MAST4: variants seen among roughly 807,000 people sequenced by gnomAD.
The protein encoded by MAST4 is microtubule-associated serine/threonine-protein kinase 4.
Under a neutral mutation model 162.7 loss-of-function variants are expected in MAST4, and 89 were observed. The ratio of observed to expected loss-of-function variants is 0.55; its 90% CI spans 0.46 to 0.65. The LOEUF (loss-of-function observed/expected upper bound fraction) is 0.65. Among genes scored for constraint, MAST4 ranks in the 30% least tolerant of loss-of-function variants. The pLI is 0.00. For synonymous variants in MAST4, 1,479 were observed against 1,361.1 expected, an observed-to-expected ratio of 1.09 and a Z score of -1.91; for missense variants, 3,153 against 3,374.0, an observed-to-expected ratio of 0.93 and a Z score of 1.62.
At chr5:66,874,210 C>T (rs16895764) in intron 3 of MAST4, among the ~76,000 whole-genome samples, 3,169 of 152,044 alleles carry the variant, frequency 0.021, 119 homozygotes, top group African/African-American at 0.073. Context: ...GTATGAGCTC[C>T]GTAATACAGC....
At chr5:66,882,667 T>C (rs937178674) in intron 3 of MAST4, among the ~76,000 whole-genome samples, 5 of 152,188 alleles carry the variant, frequency 3.3e-5, no homozygotes, top group African/African-American at 9.7e-5. Context: ...CTGTATCCTT[T>C]AGCATACTTT....
chr5:66,673,582 C>T lies in MAST4; in HGVS notation c.363+76564C>T, dbSNP rs146960988. ...TGCTCTGTCACCCAGTCTGGAGTGA[C>T]GTGGCGCGATCACAGCTCACTGCAA... On this transcript the variant is annotated intron_variant, in intron 1 of 28. Coordinates refer to ENST00000403625, the MANE Select transcript of MAST4 (RefSeq NM_001164664.2). 1.4e-4 allele frequency among the ~76,000 whole-genome samples: 20 copies of T among 142,456 alleles called. No homozygotes were observed. The South Asian group carries it at 2.1e-3, about 15-fold the overall frequency. The allele number at this position is 142,456 out of a possible 152,430, so 93.5% of individuals were successfully genotyped here. A position where few individuals can be genotyped will look rare whatever the true frequency, so the allele number is the denominator to read the frequency against.
chr5:67,029,263 G>A (rs937906767), intron 4 of MAST4, among the ~76,000 whole-genome samples: 1 of 152,176 alleles, frequency 6.6e-6, no homozygotes, highest in East Asian at 1.9e-4. Flanking sequence ...TAAGGTTTCT[G>A]GCCCTCTGCA....
At chr5:66,750,355 C>T (rs532934725) in intron 1 of MAST4, among the ~76,000 whole-genome samples, 13 of 152,264 alleles carry the variant, frequency 8.5e-5, no homozygotes, top group East Asian at 3.9e-4. Context: ...ACGCAGGAAA[C>T]GGTGATTTCT....
intron 1 of MAST4, among the ~76,000 whole-genome samples, chr5:66,698,549 C>T (rs1749560094): frequency 6.6e-6 from 1 of 152,090 alleles, no homozygotes; most frequent in Non-Finnish European, 1.5e-5. Flanking sequence ...TCCATCTGGA[C>T]ATTTGCTTTA....
intron 3 of MAST4, among the ~76,000 whole-genome samples, chr5:66,890,080 T>TA (rs1274621579): frequency 6.6e-6 from 1 of 152,218 alleles, no homozygotes; most frequent in African/African-American, 2.4e-5. Flanking sequence ...TGATCAAAAC[T>TA]AGTTTCTTTA....
At chr5:66,841,634 A>G (rs1006981479) in intron 3 of MAST4, among the ~76,000 whole-genome samples, 2 of 152,110 alleles carry the variant, frequency 1.3e-5, no homozygotes, top group Non-Finnish European at 2.9e-5. Context: ...TAATCCCATC[A>G]TGAGGGCCCC....
At chr5:66,659,915 C>T (rs533339009) in intron 1 of MAST4, among the ~76,000 whole-genome samples, 2 of 152,266 alleles carry the variant, frequency 1.3e-5, no homozygotes, top group South Asian at 2.1e-4. Context: ...AAGAGTGGCA[C>T]TTGAAAGTGC....
At chr5:67,050,430 C>G (rs1758029877) in intron 4 of MAST4, among the ~76,000 whole-genome samples, 1 of 152,196 alleles carries the variant, frequency 6.6e-6, no homozygotes, top group Admixed American at 6.5e-5. Context: ...GCCTGCTCAC[C>G]TCCTGCCCCT....
chr5:67,049,023 G>GTGTATATATATATATACGTA (rs1554087405), intron 4 of MAST4, among the ~76,000 whole-genome samples: 1 of 85,666 alleles, frequency 1.2e-5, no homozygotes, highest in African/African-American at 4.8e-5. Flanking sequence ...ATATATATAC[G>GTGTATATATATATATACGTA]TATATATATA....
intron 1 of MAST4, among the ~76,000 whole-genome samples, chr5:66,697,183 T>C (rs1270743009): frequency 6.6e-6 from 1 of 152,144 alleles, no homozygotes; most frequent in Non-Finnish European, 1.5e-5. Context: ...CAAGTGAAAA[T>C]TAGGGTTTTG....
intron 4 of MAST4, among the ~76,000 whole-genome samples, chr5:66,995,559 T>C (rs1024001875): frequency 6.6e-6 from 1 of 152,132 alleles, no homozygotes; most frequent in Non-Finnish European, 1.5e-5. Context: ...CCCGCCACCA[T>C]ACCCAGCTAA....
intron 3 of MAST4, among the ~76,000 whole-genome samples, chr5:66,866,801 A>AG (rs1760556894): frequency 1.3e-5 from 2 of 152,112 alleles, no homozygotes; most frequent in Admixed American, 1.3e-4. Context: ...TCCAGGCTGG[A>AG]GTGCGGTGCG....
chr5:66,827,025 G>A (rs17280749), intron 3 of MAST4, among the ~76,000 whole-genome samples: 38,285 of 152,126 alleles, frequency 0.25, 5,860 homozygotes, highest in Non-Finnish European at 0.35. Context: ...TAAAGTGCAG[G>A]TGAGCCTGTG....
chr5:66,916,386 A>T lies in MAST4; in HGVS notation c.674+16404A>T, dbSNP rs575655611. ...AAATGAACACAATGATGAGACTGGC[A>T]TAGGCAAAGAATGTTTGTTCATTTG... On this transcript the variant is annotated intron_variant, in intron 4 of 28. Transcript: ENST00000403625. 1.1e-4 allele frequency among the ~76,000 whole-genome samples: 16 copies of T among 152,370 alleles called. No homozygotes were observed. In the South Asian group the frequency reaches 1.9e-3, roughly 18 times the overall value.
intron 5 of MAST4, among the ~76,000 whole-genome samples, chr5:67,077,864 C>A (rs1360284967): frequency 6.6e-6 from 1 of 152,128 alleles, no homozygotes; most frequent in Non-Finnish European, 1.5e-5. Flanking sequence ...CTTTGGGAGG[C>A]CGAGATGGGT....
At chr5:66,818,861 T>C (rs1005145599) in intron 3 of MAST4, among the ~76,000 whole-genome samples, 3 of 152,228 alleles carry the variant, frequency 2.0e-5, no homozygotes, top group Non-Finnish European at 4.4e-5. Flanking sequence ...TTCATGACCT[T>C]GGGCTCTTCT....
intron 4 of MAST4, among the ~76,000 whole-genome samples, chr5:67,049,089 A>G (rs1193601852): frequency 7.0e-6 from 1 of 142,542 alleles, no homozygotes; most frequent in African/African-American, 2.6e-5. Context: ...ACACTACCAT[A>G]CCAAGAATGA....
In MAST4 at chr5:66,760,844, G is replaced by T. The variant is rs373724647; in HGVS notation, c.517+982G>T. Among the ~76,000 whole-genome samples the T allele has an allele frequency of 2.9e-4, 43 of 147,638 alleles. 1 individual carries two copies. Among genetic ancestry groups the T allele is most frequent in the Middle Eastern group, 7.0e-3 (2 of 286 alleles). The stretch of plus-strand genomic sequence containing the variant: ...TGATATTGAATGTTCCCAACACAAA[G>T]AAATGATAAATGTTTGAGATATGAT... On this transcript the variant is annotated intron_variant, in intron 2 of 28. Transcript: ENST00000403625.
Sources: allele counts gnomAD v4.1 joint callset (sites outside exome capture counted in the v4.1 genomes callset), GRCh38; gene constraint gnomAD v4.1.1; transcripts MANE v1.5; gene names NCBI Gene and HGNC (gene_info 2026-07-23, HGNC 2026-07-21).